DCDC1: variants seen among roughly 807,000 people sequenced by gnomAD.
DCDC1 encodes the protein doublecortin domain containing 1.
DCDC1 carries 200 observed loss-of-function variants against 178.3 expected under a neutral mutation model. The ratio of observed to expected loss-of-function variants is 1.12; its 90% confidence interval spans 1.00 to 1.26. The LOEUF (loss-of-function observed/expected upper bound fraction) is 1.26, where lower values mean the gene tolerates loss of function less well. Among genes scored for constraint, DCDC1 ranks in the 50% most tolerant of loss-of-function variants. The pLI is 0.00. For synonymous variants in DCDC1, 690 were observed against 604.8 expected (o/e 1.14, Z -2.07); for missense variants, 1,983 against 1,749.2 (o/e 1.13, Z -2.38).
chr11:31,099,526 G>A (rs1260122048), intron 15 of DCDC1, among the ~76,000 whole-genome samples: 1 of 152,124 alleles, frequency 6.6e-6, no homozygotes, highest in Admixed American at 6.5e-5. Context: ...CAAACTTGGA[G>A]CCTAGTTGAT....
chr11:31,329,844 G>C (rs1949870250), intron 2 of DCDC1, among the ~76,000 whole-genome samples: 1 of 152,136 alleles, frequency 6.6e-6, no homozygotes, highest in Non-Finnish European at 1.5e-5. Context: ...ATTGTGAATA[G>C]TGCCACAATA....
intron 17 of DCDC1, among the ~76,000 whole-genome samples, chr11:31,081,520 G>A (rs1211894046): frequency 6.6e-6 from 1 of 152,044 alleles, no homozygotes; most frequent in Non-Finnish European, 1.5e-5. Flanking sequence ...TGAGACAGGA[G>A]AATCGCTTGA....
intron 7 of DCDC1, among the ~76,000 whole-genome samples, chr11:31,275,417 A>C (rs1473715757): frequency 5.3e-5 from 8 of 152,132 alleles, no homozygotes; most frequent in South Asian, 2.1e-4. Flanking sequence ...CATCCTTACT[A>C]TACTGATTTT....
chr11:31,014,824 T>A (rs1300945895), intron 20 of DCDC1, among the ~76,000 whole-genome samples: 1 of 152,210 alleles, frequency 6.6e-6, no homozygotes, highest in Non-Finnish European at 1.5e-5. Flanking sequence ...CATCTTAATA[T>A]CCATTTATCT....
intron 9 of DCDC1, among the ~76,000 whole-genome samples, chr11:31,211,623 T>C (rs1350862406): frequency 1.3e-5 from 2 of 152,200 alleles, no homozygotes; most frequent in Non-Finnish European, 2.9e-5. Flanking sequence ...ATAATCATTT[T>C]CAGTATTTTT....
chr11:30,973,711 C>T (rs957227412), intron 20 of DCDC1, among the ~76,000 whole-genome samples: 24 of 152,102 alleles, frequency 1.6e-4, no homozygotes, highest in African/African-American at 7.2e-5. Context: ...CAATTCTAAA[C>T]ATATATGCAC....
At chr11:31,085,529 G>A (rs1345878681) in intron 17 of DCDC1, among the ~76,000 whole-genome samples, 6 of 151,952 alleles carry the variant, frequency 3.9e-5, no homozygotes, top group African/African-American at 9.7e-5. Flanking sequence ...TTCCTTCAGC[G>A]TAATTACTTT....
chr11:31,165,394 G>T (rs1056554201), intron 9 of DCDC1, among the ~76,000 whole-genome samples: 3 of 152,110 alleles, frequency 2.0e-5, no homozygotes, highest in East Asian at 3.9e-4. Flanking sequence ...GCAGTGGCGT[G>T]ATCACAGCTC....
chr11:30,989,182 A>T (rs1487712500), intron 20 of DCDC1, among the ~76,000 whole-genome samples: 1 of 152,196 alleles, frequency 6.6e-6, no homozygotes, highest in Non-Finnish European at 1.5e-5. Context: ...GATGGAGAGA[A>T]ATCAAGAGAA....
intron 9 of DCDC1, among the ~76,000 whole-genome samples, chr11:31,176,505 C>T (rs180678233): frequency 6.6e-5 from 10 of 152,046 alleles, no homozygotes; most frequent in African/African-American, 2.4e-4. Context: ...GAAAATTTGC[C>T]AAGTAATTGA....
chr11:30,892,003 C>T (rs1056251835), intron 36 of DCDC1, among the ~76,000 whole-genome samples: 1 of 152,136 alleles, frequency 6.6e-6, no homozygotes, highest in African/African-American at 2.4e-5. Flanking sequence ...CCACACCCCC[C>T]ACCACCAACA....
In DCDC1 at chr11:31,110,297, G is replaced by C. The variant is rs762726872; in HGVS notation, c.1550C>G (p.Ser517Trp). Residue 517 changes from serine (S) to tryptophan (W), a missense_variant, in exon 12 of 39, where the codon TCG becomes TGG. Coordinates refer to ENST00000684477, the MANE Select transcript of DCDC1 (RefSeq NM_001387274.1). ...ATGGTCAGTTTGAATTGGGCTATCC[G>C]ATCCCAAATCTTTTTTACTGATACC... ...SVGISKKDLG[S>W]DSPIQTDHMM... The C allele has an allele frequency of 1.4e-6, 1 of 714,246 alleles. No homozygotes were observed. Among genetic ancestry groups the C allele is most frequent in the East Asian group, 2.6e-5 (1 of 38,880 alleles). The allele number at this position is 714,246 out of a possible 1,614,324, so 44.2% of individuals were successfully genotyped here. A position where few individuals can be genotyped will look rare whatever the true frequency, so the allele number is the denominator to read the frequency against.
chr11:30,983,159 A>T (rs1474786922), intron 20 of DCDC1, among the ~76,000 whole-genome samples: 4 of 151,422 alleles, frequency 2.6e-5, no homozygotes, highest in Admixed American at 6.6e-5. Context: ...TTAACAAAAT[A>T]AAAAAAAAGG....
At chr11:31,113,837 G>A (rs188713185) in intron 11 of DCDC1, among the ~76,000 whole-genome samples, 118 of 152,122 alleles carry the variant, frequency 7.8e-4, no homozygotes, top group Non-Finnish European at 1.6e-3. Flanking sequence ...CAATTTCATT[G>A]GTCATTTCAT....
chr11:31,167,404 T>G (rs1966846156), intron 9 of DCDC1, among the ~76,000 whole-genome samples: 1 of 152,218 alleles, frequency 6.6e-6, no homozygotes, highest in Non-Finnish European at 1.5e-5. Flanking sequence ...ATTTGTCATT[T>G]AATTTCATGA....
chr11:30,887,055 A>G (rs947106383), intron 36 of DCDC1, among the ~76,000 whole-genome samples: 2 of 152,170 alleles, frequency 1.3e-5, no homozygotes, highest in Non-Finnish European at 2.9e-5. Flanking sequence ...CCTAAGACCT[A>G]TTTGTATGTA....
At chr11:31,065,806 T>C (rs1360718844) in intron 18 of DCDC1, among the ~76,000 whole-genome samples, 1 of 152,182 alleles carries the variant, frequency 6.6e-6, no homozygotes, top group Non-Finnish European at 1.5e-5. Flanking sequence ...TGACTCTCAT[T>C]TGGGATCTTC....
chr11:31,103,908 A>G, intron 13 of DCDC1, 139 bp from the exon 14 acceptor site: 2 of 557,872 alleles, frequency 3.6e-6, no homozygotes, highest in Non-Finnish European at 6.3e-6. Flanking sequence ...GTATAGCACT[A>G]TTGCTGGTAT....
At chr11:31,192,453 C>T (rs563350604) in intron 9 of DCDC1, among the ~76,000 whole-genome samples, 26 of 152,240 alleles carry the variant, frequency 1.7e-4, no homozygotes, top group Non-Finnish European at 2.8e-4. Context: ...TCCCCATATG[C>T]ACCACTGCTC....
Sources: allele counts gnomAD v4.1 joint callset (sites outside exome capture counted in the v4.1 genomes callset), GRCh38; gene constraint gnomAD v4.1.1; transcripts MANE v1.5; gene names NCBI Gene and HGNC (gene_info 2026-07-23, HGNC 2026-07-21).